ITGA9: variants seen among roughly 807,000 people sequenced by gnomAD.
ITGA9 encodes the protein integrin alpha-9.
ITGA9 carries 56 observed loss-of-function variants against 127.8 expected under a neutral mutation model. The ratio of observed to expected loss-of-function variants is 0.44; its 90% confidence interval spans 0.35 to 0.55. The LOEUF is 0.55. ITGA9 is among the 20% of genes least tolerant of loss of function. ITGA9 has a pLI of 0.00. For missense variants in ITGA9, 1,196 were observed against 1,347.1 expected, an observed-to-expected ratio of 0.89 and a Z score of 1.76; for synonymous variants, 508 against 514.5, an observed-to-expected ratio of 0.99 and a Z score of 0.17.
At chr3:37,742,280 T>A (rs577198542) in intron 21 of ITGA9, among the ~76,000 whole-genome samples, 1 of 152,320 alleles carries the variant, frequency 6.6e-6, no homozygotes, top group East Asian at 1.9e-4. Context: ...CAGGCAGTGC[T>A]GGCTTTGCTT....
intron 15 of ITGA9, among the ~76,000 whole-genome samples, chr3:37,558,162 G>A (rs982080759): frequency 1.3e-5 from 2 of 152,166 alleles, no homozygotes; most frequent in Non-Finnish European, 2.9e-5. Flanking sequence ...GGGCAGGCAG[G>A]AGTCCTGGGG....
Position 37,634,328 on chromosome 3 carries a change from C to A in ITGA9, c.1839+4992C>A, listed in dbSNP as rs890374698. Among the ~76,000 whole-genome samples, 864 of 142,510 alleles carry A rather than the reference C, an allele frequency of 6.1e-3. 5 individuals are homozygous for A. Among genetic ancestry groups the A allele is most frequent in the African/African-American group, 0.018 (711 of 38,958 alleles). 93.5% of individuals were successfully genotyped at this position (142,510 alleles called of 152,430 possible). A position where few individuals can be genotyped will look rare whatever the true frequency, so the allele number is the denominator to read the frequency against. ...TTAAATGGATTTAAAAAAAAAAAAA[C>A]AAAAAACAAGACCTAACTATATGCT... On this transcript the variant is annotated intron_variant, in intron 16 of 27. Transcript: ENST00000264741.
chr3:37,602,009 A>G (rs1012014435), intron 15 of ITGA9, among the ~76,000 whole-genome samples: 1 of 152,130 alleles, frequency 6.6e-6, no homozygotes. Context: ...CTTTTTAACA[A>G]CCAGCTGTTG....
chr3:37,749,925 C>A (rs1178093946), intron 22 of ITGA9, among the ~76,000 whole-genome samples: 1 of 152,168 alleles, frequency 6.6e-6, no homozygotes, highest in Non-Finnish European at 1.5e-5. Context: ...ATCTGTGGGT[C>A]TCAAGTGGTG....
rs558294406 is a variant in ITGA9, at chr3:37,820,748, A to G, written c.*1759A>G. On this transcript the variant is annotated 3_prime_UTR_variant, in exon 28 of 28. Transcript: ENST00000264741. The stretch of plus-strand genomic sequence containing the variant: ...TGGGGCTAAGAGCAGGGTCTAACGG[A>G]GTCTTAATGGCTTATTACAGCCTGC... The G allele has an allele frequency of 6.6e-5, 10 of 152,210 alleles. No homozygotes were observed. The highest frequency in any genetic ancestry group is 2.4e-4 in the African/African-American group (10 of 41,438). 9.4% of individuals were successfully genotyped at this position (152,210 alleles called of 1,614,324 possible).
At chr3:37,556,130 C>T (rs544657206) in intron 15 of ITGA9, among the ~76,000 whole-genome samples, 58 of 152,308 alleles carry the variant, frequency 3.8e-4, no homozygotes, top group African/African-American at 1.3e-3. Context: ...CTTAGCATGG[C>T]AGGGGCTGGG....
chr3:37,707,677 A>G (rs1478847035), intron 18 of ITGA9, among the ~76,000 whole-genome samples: 2 of 152,196 alleles, frequency 1.3e-5, no homozygotes, highest in South Asian at 2.1e-4. Context: ...ACTTGAGCAC[A>G]TGATCTCACC....
rs532322747 is a variant in ITGA9 at position 37,470,926 on chromosome 3, G to A, written c.186-81G>A. 75 of 1,434,650 alleles carry A rather than the reference G, an allele frequency of 5.2e-5. No individual in the cohort carries two copies. The East Asian group carries it at 1.1e-3, about 21-fold the overall frequency. 88.9% of individuals were successfully genotyped at this position (1,434,650 alleles called of 1,614,324 possible). ...AAGTGAGCACTCAGAGAGCCCACCC[G>A]TGGTTGGGTGAATACTTAGCCATCT... is the stretch of plus-strand genomic sequence containing the variant. On this transcript the variant is annotated intron_variant, in intron 1 of 27. Coordinates refer to ENST00000264741, the MANE Select transcript of ITGA9 (RefSeq NM_002207.3).
intron 22 of ITGA9, chr3:37,748,182 T>G: frequency 2.2e-6 from 1 of 462,602 alleles, no homozygotes; most frequent in South Asian, 1.7e-5. Flanking sequence ...AACATGGAGT[T>G]GTTTTTTTGG....
chr3:37,583,820 A>T (rs116550641), intron 15 of ITGA9, among the ~76,000 whole-genome samples: 6 of 152,242 alleles, frequency 3.9e-5, no homozygotes, highest in African/African-American at 1.4e-4. Flanking sequence ...TCAAGCATCC[A>T]TTCCTCTGAG....
In ITGA9 at chr3:37,786,518, C is replaced by T. The variant is rs531038699; in HGVS notation, c.2889+1440C>T. 7.9e-5 allele frequency among the ~76,000 whole-genome samples: 12 copies of T among 151,982 alleles called. No individual in the cohort carries two copies. The East Asian group carries it at 1.9e-3, about 25-fold the overall frequency. On this transcript the variant is annotated intron_variant, in intron 26 of 27. Coordinates refer to ENST00000264741, the MANE Select transcript of ITGA9 (RefSeq NM_002207.3). Reference sequence around the variant, plus strand: ...TGAGGCAGGAGAATCACTTGAAACCCGGAGGCGGAGGTTGCAGTGAGCCAA... The same window carrying T: ...TGAGGCAGGAGAATCACTTGAAACCTGGAGGCGGAGGTTGCAGTGAGCCAA...
intron 14 of ITGA9, among the ~76,000 whole-genome samples, chr3:37,534,258 CAG>C (rs199602259): frequency 0.39 from 58,674 of 151,852 alleles, 13,060 homozygotes; most frequent in East Asian, 0.72. Context: ...AAAACACTAA[CAG>C]GGACCTGAAC....
chr3:37,722,257 G>A (rs952775857), intron 18 of ITGA9, among the ~76,000 whole-genome samples: 2 of 152,180 alleles, frequency 1.3e-5, no homozygotes, highest in Non-Finnish European at 2.9e-5. Context: ...AATGCTGTTT[G>A]CCTCCTTCAG....
chr3:37,538,002 C>T (rs1031024569), intron 14 of ITGA9, among the ~76,000 whole-genome samples: 6 of 152,190 alleles, frequency 3.9e-5, no homozygotes, highest in Non-Finnish European at 7.3e-5. Context: ...CACCCGTGGA[C>T]GGTGCTTGTA....
intron 18 of ITGA9, 74 bp downstream of exon 18, chr3:37,684,089 A>G: frequency 1.7e-6 from 2 of 1,206,986 alleles, no homozygotes; most frequent in Non-Finnish European, 2.5e-6. Context: ...ATTGCCTGGA[A>G]TAGGCAATGA....
At position 37,629,938 on chromosome 3, in the gene ITGA9, G is replaced by C. The variant is rs1239721664; in HGVS notation, c.1839+602G>C. Among the ~76,000 whole-genome samples, 1 of 152,194 alleles carries C rather than the reference G, an allele frequency of 6.6e-6. No individual in the cohort carries two copies. Among genetic ancestry groups the C allele is most frequent in the Non-Finnish European group, 1.5e-5 (1 of 68,036 alleles). ...TTGTGCAGCAGCGCTGGCCAGCTCT[G>C]AGGCGTGCAGCACTGAGTGCGGTGC... is the stretch of plus-strand genomic sequence containing the variant. On this transcript the variant is annotated intron_variant, in intron 16 of 27. Coordinates refer to ENST00000264741, the MANE Select transcript of ITGA9 (RefSeq NM_002207.3). The surrounding 1 kb of genome is among the most constrained non-coding windows in gnomAD (Gnocchi z 4.5).
intron 15 of ITGA9, among the ~76,000 whole-genome samples, chr3:37,612,473 T>C (rs1160720749): frequency 6.6e-6 from 1 of 152,248 alleles, no homozygotes; most frequent in Non-Finnish European, 1.5e-5. Context: ...TAGTGTGTAA[T>C]ATCTCAGATT....
Position 37,823,484 on chromosome 3 carries a change from G to A in ITGA9, c.*4495G>A, listed in dbSNP as rs186547482. 6.6e-6 allele frequency: 1 copy of A among 152,250 alleles called. No homozygotes were observed. The highest frequency in any genetic ancestry group is 1.9e-4 in the East Asian group (1 of 5,182). 9.4% of individuals were successfully genotyped at this position (152,250 alleles called of 1,614,324 possible). On this transcript the variant is annotated 3_prime_UTR_variant, in exon 28 of 28. Transcript: ENST00000264741. Reference sequence around the variant, plus strand: ...CAGGTTTACAAAAACATACATGTTTGGAATAAAAAATGGCTGCAAACAATT... The same window carrying A: ...CAGGTTTACAAAAACATACATGTTTAGAATAAAAAATGGCTGCAAACAATT...
rs533774666 is a variant in ITGA9, at chr3:37,456,400, C to T, written c.185+3841C>T. On this transcript the variant is annotated intron_variant, in intron 1 of 27. Coordinates refer to ENST00000264741, the MANE Select transcript of ITGA9 (RefSeq NM_002207.3). ...CAGGGAACATGGACAAAGCCGATTT[C>T]TGTCCCCTTCCTTTAGACATGGACC... 2.0e-5 allele frequency among the ~76,000 whole-genome samples: 3 copies of T among 152,342 alleles called. No individual in the cohort carries two copies. The East Asian group carries it at 5.8e-4, about 29-fold the overall frequency.
Sources: gnomAD v4.1 joint callset for allele counts (sites outside exome capture counted in the v4.1 genomes callset) on GRCh38, gnomAD v4.1.1 for gene constraint, Gnocchi (gnomAD v3.1) non-coding constraint, MANE v1.5 for transcripts, NCBI Gene and HGNC (gene_info 2026-07-23, HGNC 2026-07-21) for gene names.